GAREM2: variants seen among roughly 807,000 people sequenced by gnomAD.
GAREM2 encodes the protein GRB2 associated regulator of MAPK1 subtype 2, also known as GRB2-associated and regulator of MAPK protein 2.
Under a neutral mutation model 55.6 loss-of-function variants are expected in GAREM2, and 30 were observed. The observed-to-expected ratio is 0.54, with a 90% CI of 0.40 to 0.73. The LOEUF (loss-of-function observed/expected upper bound fraction) is 0.73, where lower values mean the gene tolerates loss of function less well. GAREM2 is among the 30% of genes least tolerant of loss of function. The probability of loss-of-function intolerance (pLI) is 0.00; values close to 1 mark genes in which losing one functional copy is unlikely to be tolerated. For missense variants in GAREM2, 1,075 were observed against 1,257.7 expected (o/e 0.85, Z 2.20); for synonymous variants, 550 against 569.1 (o/e 0.97, Z 0.48).
intron 4 of GAREM2, 80 bp downstream of exon 4, chr2:26,185,356 A>G (rs1475744822): frequency 3.6e-6 from 5 of 1,404,892 alleles, no homozygotes; most frequent in Middle Eastern, 5.1e-4. Flanking sequence ...GCCCCGGAGT[A>G]TGTGGCAGAC....
the GAREM2 span, among the ~76,000 whole-genome samples, chr2:26,203,189 T>C: frequency 6.6e-6 from 1 of 152,214 alleles, no homozygotes; most frequent in African/African-American, 2.4e-5. Context: ...ACCTGCCAGG[T>C]CCTGGTTAGC....
rs1397449877 is a variant in GAREM2, at chr2:26,184,852, C to T, written c.1004C>T (p.Pro335Leu). The part of the protein sequence containing the change: ...ALPQGLLAGD[P>L]RVERLVRDSA... ...CCGCAGGGCCTGCTGGCCGGGGACC[C>T]GCGCGTCGAGCGCCTGGTGCGCGAC... Residue 335 changes from proline (P) to leucine (L), a missense_variant, in exon 4 of 6, where the codon CCG becomes CTG. This residue lies in a region of GAREM2 where 170 missense variants were observed against 220.7 expected (regional missense o/e 0.77). Coordinates refer to ENST00000401533, the MANE Select transcript of GAREM2 (RefSeq NM_001168241.2). 6.8e-7 allele frequency: 1 copy of T among 1,471,412 alleles called. No individual in the cohort carries two copies. The highest frequency in any genetic ancestry group is 8.9e-7 in the Non-Finnish European group (1 of 1,120,032). The allele number at this position is 1,471,412 out of a possible 1,614,324, so 91.1% of individuals were successfully genotyped here.
the GAREM2 span, among the ~76,000 whole-genome samples, chr2:26,200,152 T>G: frequency 6.6e-6 from 1 of 152,184 alleles, no homozygotes; most frequent in Non-Finnish European, 1.5e-5. Flanking sequence ...TTTGTTTGTT[T>G]ATTTATTTAT....
downstream of GAREM2, among the ~76,000 whole-genome samples, chr2:26,193,237 A>T (rs1297608310): frequency 6.7e-6 from 1 of 149,986 alleles, no homozygotes; most frequent in Non-Finnish European, 1.5e-5. Flanking sequence ...GAAGGGTAGA[A>T]CTCTGCCTTT....
At position 26,185,305 on chromosome 2, in the gene GAREM2, C is replaced by A. The variant is rs1042914524; in HGVS notation, c.1428+29C>A. ...AGTGAGCGCGCTGGGGGCCGAGTCC[C>A]GGGTCCAGCCAGGGCCCAAAGCCCG... On this transcript the variant is annotated intron_variant, in intron 4 of 5. Coordinates refer to ENST00000401533, the MANE Select transcript of GAREM2 (RefSeq NM_001168241.2). 11 of 1,483,134 alleles carry A rather than the reference C, an allele frequency of 7.4e-6. No homozygotes were observed. In the East Asian group the frequency reaches 3.1e-4, roughly 42 times the overall value. The allele number at this position is 1,483,134 out of a possible 1,614,324, so 91.9% of individuals were successfully genotyped here. A position where few individuals can be genotyped will look rare whatever the true frequency, so the allele number is the denominator to read the frequency against.
the GAREM2 span, chr2:26,203,995 C>A: frequency 7.9e-6 from 12 of 1,527,586 alleles, no homozygotes; most frequent in Non-Finnish European, 1.1e-5. Flanking sequence ...ACCAAGCCAC[C>A]ACAAAAAACA....
intron 1 of GAREM2, among the ~76,000 whole-genome samples, chr2:26,173,667 C>G (rs1668771625): frequency 6.6e-6 from 1 of 152,060 alleles, no homozygotes. Context: ...GCCCCCCGCC[C>G]CGGCCGCGCC....
chr2:26,188,506 G>C lies in GAREM2; in HGVS notation c.*249G>C. ...GGGCTGGGGGCACCACTGTGTACCT[G>C]GGCCCAGTAAGGCATTTGCCGTGAT... On this transcript the variant is annotated 3_prime_UTR_variant, in exon 6 of 6. Coordinates refer to ENST00000401533, the MANE Select transcript of GAREM2 (RefSeq NM_001168241.2). The C allele has an allele frequency of 5.3e-6, 2 of 379,032 alleles. No homozygotes were observed. The highest frequency in any genetic ancestry group is 4.7e-6 in the Non-Finnish European group (1 of 213,948). The allele number at this position is 379,032 out of a possible 1,614,324, so 23.5% of individuals were successfully genotyped here. A position where few individuals can be genotyped will look rare whatever the true frequency, so the allele number is the denominator to read the frequency against.
At chr2:26,186,667 G>C (rs1320687229) in intron 5 of GAREM2, among the ~76,000 whole-genome samples, 2 of 152,224 alleles carry the variant, frequency 1.3e-5, no homozygotes. Context: ...AGAGCTCCTT[G>C]CTGTTTTGAA....
chr2:26,175,813 A>G (rs1668846719), intron 1 of GAREM2, among the ~76,000 whole-genome samples: 1 of 152,152 alleles, frequency 6.6e-6, no homozygotes, highest in Admixed American at 6.5e-5. Context: ...CCACTGCCCC[A>G]GTAGGGCCCT....
At chr2:26,201,951 C>T in the GAREM2 span, among the ~76,000 whole-genome samples, 8 of 139,324 alleles carry the variant, frequency 5.7e-5, no homozygotes, top group East Asian at 1.9e-4. Flanking sequence ...CCCACCACCA[C>T]GCCTGGCTAA....
At chr2:26,181,193 T>G in intron 2 of GAREM2, 1 of 931,300 alleles carries the variant, frequency 1.1e-6, no homozygotes, top group Non-Finnish European at 1.3e-6. Flanking sequence ...GAATAAAGCT[T>G]TACTGCTTTA....
chr2:26,187,193 C>G, intron 5 of GAREM2, 38 bp from the exon 6 acceptor site: 1 of 1,425,570 alleles, frequency 7.0e-7, no homozygotes, highest in South Asian at 1.6e-5. Context: ...CTCTCAGCCT[C>G]ACCTGTCCTA....
intron 1 of GAREM2, 76 bp downstream of exon 1, chr2:26,173,408 C>T: frequency 1.3e-6 from 1 of 799,398 alleles, no homozygotes; most frequent in South Asian, 3.9e-5. Flanking sequence ...CCAGAGGGAT[C>T]GTGAGGAGGG....
Position 26,187,564 on chromosome 2 carries a change from G to T in GAREM2, c.1932G>T (p.Ala644=). 1 of 1,544,716 alleles carries T rather than the reference G, an allele frequency of 6.5e-7. No homozygotes were observed. The highest frequency in any genetic ancestry group is 8.7e-7 in the Non-Finnish European group (1 of 1,143,722). The change falls in exon 6 of 6, where the codon GCG becomes GCT. Residue 644 remains alanine (A), a synonymous_variant. Transcript: ENST00000401533. ...SGPAYPSGPS[A]ALSSGPRTTS... ...CTGCCTACCCCTCAGGCCCTTCAGCGGCCTTGTCTTCTGGGCCCAGAACCA... is the reference window on the plus strand; with the variant it reads ...CTGCCTACCCCTCAGGCCCTTCAGCTGCCTTGTCTTCTGGGCCCAGAACCA...
chr2:26,192,182 TAACA>T, downstream of GAREM2: 3 of 656,440 alleles, frequency 4.6e-6, no homozygotes, highest in Non-Finnish European at 5.5e-6. Context: ...TATACCTATG[TAACA>T]AACCTGCACA....
At chr2:26,196,751 C>T in the GAREM2 span, among the ~76,000 whole-genome samples, 5 of 152,280 alleles carry the variant, frequency 3.3e-5, no homozygotes, top group South Asian at 6.2e-4. Context: ...GCTCCGATGG[C>T]GGGGAGAGGT....
At chr2:26,199,313 A>C in the GAREM2 span, 1 of 152,638 alleles carries the variant, frequency 6.6e-6, no homozygotes, top group African/African-American at 2.4e-5. Flanking sequence ...GGTTACAGTG[A>C]GCTGTGATCA....
chr2:26,192,257 T>TGGGCTGTCAGA (rs1348270001), downstream of GAREM2: 1 of 925,974 alleles, frequency 1.1e-6, no homozygotes, highest in Non-Finnish European at 1.8e-6. Context: ...TGGGAAGCTT[T>TGGGCTGTCAGA]GGGCTGTCAG....
Sources: allele counts gnomAD v4.1 joint callset (sites outside exome capture counted in the v4.1 genomes callset), GRCh38; gene constraint gnomAD v4.1.1; regional missense constraint gnomAD v4.1.1; transcripts MANE v1.5; gene names NCBI Gene and HGNC (gene_info 2026-07-23, HGNC 2026-07-21).